Variants in ANK1 observed in about 807,000 individuals in gnomAD.
The protein encoded by ANK1 is ankyrin 1.
A neutral mutation model predicts 210.4 loss-of-function variants in ANK1; 51 were observed. The ratio of observed to expected loss-of-function variants is 0.24; its 90% CI spans 0.19 to 0.31. The LOEUF (loss-of-function observed/expected upper bound fraction) is 0.31. Ranked by LOEUF, ANK1 falls within the 10% of genes least tolerant of loss-of-function variation. The pLI is 1.00. For synonymous variants in ANK1, 967 were observed against 1,025.9 expected (o/e 0.94, Z 1.10); for missense variants, 2,051 against 2,504.4 (o/e 0.82, Z 3.86).
At chr8:41,658,031 G>T (rs912048081) in intron 42 of ANK1, among the ~76,000 whole-genome samples, 2 of 152,138 alleles carry the variant, frequency 1.3e-5, no homozygotes, top group African/African-American at 4.8e-5. Context: ...ACAGGTGTAT[G>T]CCACCATGTC....
At chr8:41,658,950 C>G (rs1356018288) in intron 42 of ANK1, among the ~76,000 whole-genome samples, 2 of 151,942 alleles carry the variant, frequency 1.3e-5, no homozygotes, top group Admixed American at 6.6e-5. Flanking sequence ...GCTGTGAACA[C>G]GGAATTAGCA....
intron 42 of ANK1, among the ~76,000 whole-genome samples, chr8:41,660,661 C>T (rs1807758941): frequency 6.6e-6 from 1 of 152,248 alleles, no homozygotes; most frequent in African/African-American, 2.4e-5. Context: ...CCCATGCTCA[C>T]ACACATGCAC....
intron 20 of ANK1, 148 bp from the exon 21 acceptor site, chr8:41,702,292 C>T: frequency 1.5e-6 from 1 of 647,524 alleles, no homozygotes; most frequent in Non-Finnish European, 2.7e-6. Flanking sequence ...GAAAGAGATC[C>T]CTGCACGTGT....
At chr8:41,815,606 C>T (rs1480421220) in intron 1 of ANK1, among the ~76,000 whole-genome samples, 1 of 152,158 alleles carries the variant, frequency 6.6e-6, no homozygotes, top group Non-Finnish European at 1.5e-5. Flanking sequence ...AAAAAAACCT[C>T]ATACCTTATA....
Position 41,867,092 on chromosome 8 carries a change from G to A in ANK1, c.126+29263C>T, listed in dbSNP as rs530838864. Reference sequence around the variant, plus strand: ...TCCATCTGACCAGTTGGTTCTTAGTGTGGGGAGGTACAGACCCCAACGCTG... The same window carrying A: ...TCCATCTGACCAGTTGGTTCTTAGTATGGGGAGGTACAGACCCCAACGCTG... On this transcript the variant is annotated intron_variant, in intron 1 of 42. Transcript: ENST00000265709. Among the ~76,000 whole-genome samples, 3 of 152,302 alleles carry A rather than the reference G, an allele frequency of 2.0e-5. No individual in the cohort carries two copies. The South Asian group carries it at 6.2e-4, about 32-fold the overall frequency.
At chr8:41,858,619 G>A (rs1268855488) in intron 1 of ANK1, among the ~76,000 whole-genome samples, 3 of 152,226 alleles carry the variant, frequency 2.0e-5, no homozygotes, top group East Asian at 3.8e-4. Context: ...TGGTGGCCAA[G>A]AGCCTAGCTC....
intron 6 of ANK1, 115 bp downstream of exon 6, chr8:41,725,646 A>G: frequency 7.0e-7 from 1 of 1,428,106 alleles, no homozygotes; most frequent in Non-Finnish European, 9.5e-7. Flanking sequence ...CTCAGTGCGC[A>G]CTGCCCGCCC....
chr8:41,673,047 TG>T, intron 37 of ANK1, 135 bp from the exon 38 acceptor site: 2 of 983,598 alleles, frequency 2.0e-6, no homozygotes, highest in Non-Finnish European at 3.0e-6. Context: ...CGGGGTGGGT[TG>T]GGGGCTTTCC....
chr8:41,767,055 C>A (rs1399915089), intron 1 of ANK1, among the ~76,000 whole-genome samples: 2 of 152,306 alleles, frequency 1.3e-5, no homozygotes. Context: ...GCCCGTGCCC[C>A]TCTTCCAGGC....
intron 35 of ANK1, 26 bp downstream of exon 35, chr8:41,688,130 T>C (rs1193441508): frequency 1.2e-6 from 2 of 1,611,802 alleles, no homozygotes; most frequent in Non-Finnish European, 1.7e-6. Flanking sequence ...GACAAAGTGC[T>C]TTTCTGCCCC....
chr8:41,822,125 AAAGAAAGAGAAAG>A (rs1563845478), intron 1 of ANK1, among the ~76,000 whole-genome samples: 10,137 of 59,770 alleles, frequency 0.17, 591 homozygotes, highest in Admixed American at 0.23. Flanking sequence ...AAAGAAAGAG[AAAGAAAGAGAAAG>A]AAAGAAAGAA....
rs1437424767 is a variant in ANK1 at position 41,774,601 on chromosome 8, A to G, written c.28-16464T>C. Among the ~76,000 whole-genome samples the G allele has an allele frequency of 3.9e-5, 6 of 152,244 alleles. No homozygotes were observed. In the East Asian group the frequency reaches 1.2e-3, roughly 29 times the overall value. On this transcript the variant is annotated intron_variant, in intron 1 of 42. Coordinates refer to ENST00000289734, the MANE Select transcript of ANK1 (RefSeq NM_000037.4). ...CCATTAGTCCTAAATTGCCAGTCCAAGCCCAAGAGAGCAATTGTTTCCTCA... is the reference window on the plus strand; with the variant it reads ...CCATTAGTCCTAAATTGCCAGTCCAGGCCCAAGAGAGCAATTGTTTCCTCA...
intron 1 of ANK1, among the ~76,000 whole-genome samples, chr8:41,774,492 G>A (rs560616602): frequency 4.6e-5 from 7 of 152,342 alleles, no homozygotes; most frequent in African/African-American, 1.7e-4. Flanking sequence ...AGTTTCAGGT[G>A]CTTCCCATCC....
At position 41,723,591 on chromosome 8, in the gene ANK1, C is replaced by T. The variant is rs140138043; in HGVS notation, c.754G>A (p.Val252Met). The T allele has an allele frequency of 9.3e-6, 15 of 1,613,750 alleles. No individual in the cohort carries two copies. The South Asian group carries it at 1.1e-4, about 12-fold the overall frequency. Residue 252 changes from valine to methionine, a missense_variant, in exon 8 of 43, where the codon GTG becomes ATG. Val to Met is a conservative substitution (Grantham distance 21, BLOSUM62 1). Around this residue, in one of 6 missense-constraint regions of ANK1, gnomAD observed 1,413 missense variants for 1,707.4 expected, o/e 0.83. Transcript: ENST00000289734. ...TCCAGCAGCAGCCGCACCATGATCA[C>T]GTTGCCCCTGCGGGAGGCGATGTGC... ...PLHIASRRGN[V>M]IMVRLLLDRG...
chr8:41,876,787 C>CT (rs766405522), intron 1 of ANK1, among the ~76,000 whole-genome samples: 2 of 152,182 alleles, frequency 1.3e-5, no homozygotes, highest in Non-Finnish European at 2.9e-5. Context: ...GGCTGCACCA[C>CT]TTTTAACTTT....
intron 37 of ANK1, among the ~76,000 whole-genome samples, chr8:41,679,395 C>A (rs896502342): frequency 1.3e-5 from 2 of 152,018 alleles, no homozygotes; most frequent in Non-Finnish European, 2.9e-5. Flanking sequence ...AGATGAGATC[C>A]TTCTTTGTCC....
chr8:41,839,101 T>TG (rs1808372957), intron 1 of ANK1, among the ~76,000 whole-genome samples: 1 of 152,122 alleles, frequency 6.6e-6, no homozygotes, highest in Non-Finnish European at 1.5e-5. Flanking sequence ...TAAATAAAGA[T>TG]GCAACAATGA....
chr8:41,656,867 G>A (rs1180874580), intron 42 of ANK1, among the ~76,000 whole-genome samples: 1 of 152,174 alleles, frequency 6.6e-6, no homozygotes, highest in Non-Finnish European at 1.5e-5. Flanking sequence ...CTTGCCAGGG[G>A]CTGCTGTAGA....
At position 41,686,199 on chromosome 8, in the gene ANK1, A is replaced by G. The variant is rs970449780; in HGVS notation, c.4343T>C (p.Val1448Ala). The change falls in exon 36 of 43, where the codon GTG becomes GCG. Residue 1448 changes from valine to alanine, a missense_variant. Coordinates refer to ENST00000289734, the MANE Select transcript of ANK1 (RefSeq NM_000037.4). ...ENPNSLLEQS[V>A]ALLNLWVIRE... The stretch of plus-strand genomic sequence containing the variant: ...GATGACCCAGAGGTTCAGCAAGGCC[A>G]CACTCTGCTCCAACAGGGAGTTGGG... 7 of 1,614,092 alleles carry G rather than the reference A, an allele frequency of 4.3e-6. No individual in the cohort carries two copies. The highest frequency in any genetic ancestry group is 5.9e-6 in the Non-Finnish European group (7 of 1,180,054).
Sources: allele counts gnomAD v4.1 joint callset (sites outside exome capture counted in the v4.1 genomes callset), GRCh38; gene constraint gnomAD v4.1.1; regional missense constraint gnomAD v4.1.1; transcripts MANE v1.5; gene names NCBI Gene and HGNC (gene_info 2026-07-23, HGNC 2026-07-21).